NTRK3: variants seen among roughly 807,000 people sequenced by gnomAD.
NTRK3 encodes neurotrophic receptor tyrosine kinase 3.
NTRK3 carries 24 observed loss-of-function variants against 91.7 expected under a neutral mutation model. That is an observed-to-expected ratio of 0.26 (90% CI 0.19 to 0.37). NTRK3 has a LOEUF of 0.37. NTRK3 is among the 10% of genes least tolerant of loss of function. NTRK3 has a pLI of 1.00. For missense variants in NTRK3, 880 were observed against 1,068.9 expected (o/e 0.82, Z 2.46); for synonymous variants, 483 against 404.0 (o/e 1.20, Z -2.34).
chr15:88,127,123 G>A (rs1341310506), intron 12 of NTRK3, 39 bp downstream of exon 12: 8 of 1,526,142 alleles, frequency 5.2e-6, no homozygotes, highest in Non-Finnish European at 6.4e-6. Flanking sequence ...AAATGACTAT[G>A]CCAGTCAACA....
chr15:88,020,084 C>T (rs117597134), intron 14 of NTRK3, among the ~76,000 whole-genome samples: 1,919 of 152,256 alleles, frequency 0.013, 20 homozygotes, highest in Middle Eastern at 0.024. Context: ...CGGAGGGGAC[C>T]GTGCAGGCAC....
intron 14 of NTRK3, among the ~76,000 whole-genome samples, chr15:88,025,674 G>T (rs73460514): frequency 6.6e-6 from 1 of 152,194 alleles, no homozygotes. Flanking sequence ...GGATGGCCCT[G>T]TCAACACCTT....
At chr15:87,997,313 G>A (rs564819910) in intron 14 of NTRK3, among the ~76,000 whole-genome samples, 1 of 152,314 alleles carries the variant, frequency 6.6e-6, no homozygotes, top group East Asian at 1.9e-4. Context: ...ACAGCCGTGA[G>A]TGTCCTAAGA....
intron 14 of NTRK3, among the ~76,000 whole-genome samples, chr15:87,955,524 G>A (rs1392118899): frequency 6.6e-6 from 1 of 152,242 alleles, no homozygotes; most frequent in Non-Finnish European, 1.5e-5. Context: ...TGACCTTGCT[G>A]AGTGCCGTTC....
intron 13 of NTRK3, among the ~76,000 whole-genome samples, chr15:88,107,786 T>C (rs998483681): frequency 6.6e-6 from 1 of 152,080 alleles, no homozygotes. Flanking sequence ...ATCTCAGACC[T>C]GAACCCACCA....
intron 13 of NTRK3, among the ~76,000 whole-genome samples, chr15:88,091,854 G>A (rs936717086): frequency 1.1e-4 from 16 of 152,150 alleles, no homozygotes; most frequent in Admixed American, 3.3e-4. Flanking sequence ...AGCAATTCCT[G>A]TGTGCTATCT....
chr15:88,203,917 G>A (rs1470205864), intron 3 of NTRK3, among the ~76,000 whole-genome samples: 1 of 151,882 alleles, frequency 6.6e-6, no homozygotes, highest in Non-Finnish European at 1.5e-5. Context: ...AGAATGTGCA[G>A]GTTTGTTACA....
At chr15:88,054,180 T>A (rs2045482593) in intron 13 of NTRK3, among the ~76,000 whole-genome samples, 1 of 152,222 alleles carries the variant, frequency 6.6e-6, no homozygotes, top group African/African-American at 2.4e-5. Context: ...TTTTAGGCAA[T>A]CAGTCAATCC....
intron 13 of NTRK3, among the ~76,000 whole-genome samples, chr15:88,083,746 T>C (rs1386798488): frequency 6.6e-6 from 1 of 152,146 alleles, no homozygotes; most frequent in Non-Finnish European, 1.5e-5. Context: ...ACAGGGGAGA[T>C]ATATGAGGAA....
intron 17 of NTRK3, chr15:87,908,442 A>G (rs1450564598): frequency 7.5e-6 from 3 of 399,500 alleles, no homozygotes; most frequent in Admixed American, 8.8e-5. Context: ...CTGTGTGTGG[A>G]CTGCCCTGCC....
intron 13 of NTRK3, among the ~76,000 whole-genome samples, chr15:88,108,905 T>C (rs1218200703): frequency 6.6e-6 from 1 of 152,166 alleles, no homozygotes; most frequent in African/African-American, 2.4e-5. Flanking sequence ...CACCATAAAG[T>C]TCGAGGAGCT....
chr15:87,887,273 C>T (rs754784145), intron 17 of NTRK3, among the ~76,000 whole-genome samples: 1 of 152,188 alleles, frequency 6.6e-6, no homozygotes, highest in Non-Finnish European at 1.5e-5. Flanking sequence ...GAAGTTTATA[C>T]TGCATTCTTC....
chr15:88,107,123 A>G (rs1038468718), intron 13 of NTRK3, among the ~76,000 whole-genome samples: 13 of 152,132 alleles, frequency 8.5e-5, no homozygotes, highest in Non-Finnish European at 1.5e-4. Flanking sequence ...AGATTTTTAT[A>G]TAATGAATAT....
intron 6 of NTRK3, among the ~76,000 whole-genome samples, chr15:88,141,029 T>G (rs1186191736): frequency 1.3e-5 from 2 of 151,954 alleles, no homozygotes; most frequent in Admixed American, 1.3e-4. Flanking sequence ...CTGTCTTTGG[T>G]TGAAAACAGA....
intron 13 of NTRK3, among the ~76,000 whole-genome samples, chr15:88,063,812 G>T (rs1295032868): frequency 6.6e-6 from 1 of 152,226 alleles, no homozygotes; most frequent in Non-Finnish European, 1.5e-5. Context: ...CTCCTGTCAT[G>T]AAAGGCCAAA....
intron 14 of NTRK3, among the ~76,000 whole-genome samples, chr15:88,022,602 G>C (rs2077682194): frequency 6.6e-6 from 1 of 152,128 alleles, no homozygotes; most frequent in Non-Finnish European, 1.5e-5. Context: ...TAGTCCTTCT[G>C]TTTCTAGGCC....
intron 17 of NTRK3, among the ~76,000 whole-genome samples, chr15:87,883,824 C>T (rs12440855): frequency 0.57 from 85,032 of 150,324 alleles, 26,384 homozygotes; most frequent in East Asian, 0.69. Context: ...AAAGAAAAAA[C>T]TGAAAATAAA....
chr15:88,209,612 G>T (rs908285692), intron 3 of NTRK3, among the ~76,000 whole-genome samples: 1 of 152,232 alleles, frequency 6.6e-6, no homozygotes, highest in Non-Finnish European at 1.5e-5. Flanking sequence ...AGGAGGAAGT[G>T]GTGCTGTGAA....
intron 14 of NTRK3, chr15:87,979,033 G>A (rs2073969086): frequency 2.1e-6 from 1 of 468,842 alleles, no homozygotes. Context: ...AATGGCTAGT[G>A]TATTTAAAAG....
Sources: gnomAD v4.1 joint callset for allele counts (sites outside exome capture counted in the v4.1 genomes callset) on GRCh38, gnomAD v4.1.1 for gene constraint, MANE v1.5 for transcripts, NCBI Gene and HGNC (gene_info 2026-07-23, HGNC 2026-07-21) for gene names.